Variants in FAM20C observed in about 807,000 individuals in gnomAD.
The protein encoded by FAM20C is FAM20C golgi associated secretory pathway kinase, also known as extracellular serine/threonine protein kinase FAM20C.
A neutral mutation model predicts 51.5 loss-of-function variants in FAM20C; 40 were observed. The ratio of observed to expected loss-of-function variants is 0.78; its 90% CI spans 0.60 to 1.01. FAM20C has a LOEUF of 1.01. FAM20C is among the 50% of genes least tolerant of loss of function. The pLI is 0.00. For missense variants in FAM20C, 861 were observed against 844.7 expected (o/e 1.02, Z -0.24); for synonymous variants, 406 against 380.6 (o/e 1.07, Z -0.78).
intron 3 of FAM20C, among the ~76,000 whole-genome samples, chr7:212,017 C>T (rs1341148719): frequency 1.3e-5 from 2 of 152,220 alleles, no homozygotes; most frequent in African/African-American, 4.8e-5. Flanking sequence ...TGATGGAGGT[C>T]CTGCAGCCAG....
intron 3 of FAM20C, among the ~76,000 whole-genome samples, chr7:231,508 G>T (rs1198292465): frequency 1.3e-5 from 2 of 151,528 alleles, no homozygotes; most frequent in African/African-American, 2.4e-5. Flanking sequence ...CGAGGGCCCC[G>T]TGGGAGGAGG....
At position 193,072 on chromosome 7, in the gene FAM20C, C is replaced by T. The variant is rs1785639562; in HGVS notation, c.-128C>T. On this transcript the variant is annotated 5_prime_UTR_variant, in exon 1 of 10. Coordinates refer to ENST00000313766, the MANE Select transcript of FAM20C (RefSeq NM_020223.4). ...CACGCGGCCCGGGCCCGGGGACAGC[C>T]CCGGAGCTGGTAGCCGCCCGGCACC... 3.8e-6 allele frequency: 3 copies of T among 787,798 alleles called. No individual in the cohort carries two copies. The highest frequency in any genetic ancestry group is 5.1e-6 in the Non-Finnish European group (3 of 593,700). 48.8% of individuals were successfully genotyped at this position (787,798 alleles called of 1,614,324 possible). A position where few individuals can be genotyped will look rare whatever the true frequency, so the allele number is the denominator to read the frequency against.
chr7:208,762 C>CA (rs1786565172), intron 2 of FAM20C, 136 bp from the exon 3 acceptor site: 1 of 832,326 alleles, frequency 1.2e-6, no homozygotes, highest in Non-Finnish European at 1.9e-6. Flanking sequence ...GCAGAAAACT[C>CA]AAACTTCCCA....
chr7:211,490 T>A (rs1786711986), intron 3 of FAM20C, among the ~76,000 whole-genome samples: 1 of 147,470 alleles, frequency 6.8e-6, no homozygotes, highest in African/African-American at 2.6e-5. Context: ...CGTGGCCACA[T>A]GAGGGGCTGA....
Position 208,971 on chromosome 7 carries a change from C to T in FAM20C, c.858C>T (p.Pro286=). The part of the protein sequence containing the change: ...FQNYGQALFK[P]MKQTREQETP... ...ATTACGGGCAAGCGCTGTTCAAACC[C>T]ATGAAGTAAGTGCCGAGGCCTGTGG... Residue 286 remains proline (P), a synonymous_variant, in exon 3 of 10, where the codon CCC becomes CCT. Coordinates refer to ENST00000313766, the MANE Select transcript of FAM20C (RefSeq NM_020223.4). 6.3e-7 allele frequency: 1 copy of T among 1,581,626 alleles called. No homozygotes were observed. Among genetic ancestry groups the T allele is most frequent in the Non-Finnish European group, 8.6e-7 (1 of 1,163,960 alleles).
intron 3 of FAM20C, among the ~76,000 whole-genome samples, chr7:210,560 C>T (rs918856483): frequency 1.3e-5 from 2 of 152,110 alleles, no homozygotes; most frequent in African/African-American, 4.8e-5. Flanking sequence ...TGGCTTCGAG[C>T]CGCGGGCACG....
intron 3 of FAM20C, among the ~76,000 whole-genome samples, chr7:233,210 C>T (rs1010997313): frequency 0.016 from 2,455 of 152,284 alleles, 74 homozygotes; most frequent in African/African-American, 0.056. Flanking sequence ...CGGGGATGCA[C>T]GTGTGGTGTT....
rs966979352 is a variant in FAM20C, at chr7:252,713, C to G, written c.1073-3136C>G. Among the ~76,000 whole-genome samples, 3 of 152,354 alleles carry G rather than the reference C, an allele frequency of 2.0e-5. No homozygotes were observed. In the South Asian group the frequency reaches 6.2e-4, roughly 32 times the overall value. On this transcript the variant is annotated intron_variant, in intron 5 of 9. Transcript: ENST00000313766. ...GGCTCTGGGAGGGAGAAGCAGGAGG[C>G]TGAGCCCCAGGCAGCCCCCTGCCCC... is the stretch of plus-strand genomic sequence containing the variant.
intron 3 of FAM20C, among the ~76,000 whole-genome samples, chr7:234,453 G>C (rs1787791510): frequency 6.6e-6 from 1 of 152,168 alleles, no homozygotes; most frequent in East Asian, 1.9e-4. Context: ...TATCGGGGGT[G>C]GCTGGCCGAG....
At chr7:216,939 C>T (rs537285998) in intron 3 of FAM20C, among the ~76,000 whole-genome samples, 2 of 152,164 alleles carry the variant, frequency 1.3e-5, no homozygotes, top group Admixed American at 6.5e-5. Context: ...TGAGCAGTGA[C>T]GAGGAATTAA....
rs10280417 is a variant in FAM20C at position 197,912 on chromosome 7, C to A, written c.784+2180C>A. ...AAGCTAGGCTTGGCTCACTGCCACC[C>A]CTCTTTGGTCCAGCTGTCCCGGGGC... On this transcript the variant is annotated intron_variant, in intron 2 of 9. Coordinates refer to ENST00000313766, the MANE Select transcript of FAM20C (RefSeq NM_020223.4). 7.3e-3 allele frequency among the ~76,000 whole-genome samples: 1,109 copies of A among 152,320 alleles called. 11 individuals are homozygous for A. Among genetic ancestry groups the A allele is most frequent in the African/African-American group, 0.026 (1,069 of 41,574 alleles).
At chr7:217,384 G>GCGCTCC (rs1787032620) in intron 3 of FAM20C, among the ~76,000 whole-genome samples, 2 of 151,806 alleles carry the variant, frequency 1.3e-5, no homozygotes, top group African/African-American at 4.9e-5. Context: ...GGCTGTGGGT[G>GCGCTCC]AGCTCCAGCC....
At chr7:217,847 C>G (rs559199442) in intron 3 of FAM20C, among the ~76,000 whole-genome samples, 1 of 152,156 alleles carries the variant, frequency 6.6e-6, no homozygotes, top group African/African-American at 2.4e-5. Context: ...CTGGCCGTAA[C>G]GGCCACCCTC....
Position 193,396 on chromosome 7 carries a change from G to GCCCCGGGGAGC in FAM20C, c.204_214dup (p.Ala72GlyfsTer62). 7.2e-7 allele frequency: 1 copy of GCCCCGGGGAGC among 1,392,652 alleles called. No homozygotes were observed. The highest frequency in any genetic ancestry group is 9.4e-7 in the Non-Finnish European group (1 of 1,061,196). The allele number at this position is 1,392,652 out of a possible 1,614,324, so 86.3% of individuals were successfully genotyped here. On this transcript the variant is annotated frameshift_variant, in exon 1 of 10. Transcript: ENST00000313766. LOFTEE classifies it high-confidence loss of function. ...CCCGGCTGGGCCCAGGTTCGGGGCC[G>GCCCCGGGGAGC]CCCCGGGGAGCCCCCGGCCGCCTCC...
At position 229,091 on chromosome 7, in the gene FAM20C, G is replaced by A. The variant is rs571668198; in HGVS notation, c.864-17324G>A. ...CACGGGGGCCACTCTAGGACCAGAA[G>A]CAGGGAAATGTCCCACCCAGGAGGG... On this transcript the variant is annotated intron_variant, in intron 3 of 9. Coordinates refer to ENST00000313766, the MANE Select transcript of FAM20C (RefSeq NM_020223.4). The A allele has an allele frequency of 2.6e-4, 85 of 325,978 alleles. 1 individual carries two copies. The highest frequency in any genetic ancestry group is 1.9e-3 in the South Asian group (84 of 43,828). The allele number at this position is 325,978 out of a possible 1,614,324, so 20.2% of individuals were successfully genotyped here. A position where few individuals can be genotyped will look rare whatever the true frequency, so the allele number is the denominator to read the frequency against.
At chr7:237,126 A>G (rs1787873010) in intron 3 of FAM20C, among the ~76,000 whole-genome samples, 1 of 152,206 alleles carries the variant, frequency 6.6e-6, no homozygotes. Flanking sequence ...TGGGAATAGA[A>G]CTGCTTGTTC....
Position 260,327 on chromosome 7 carries a change from A to G in FAM20C, c.*347A>G, listed in dbSNP as rs1211216710. ...AGAGACGTGTACACAGATGCCAATCACCTACCAAACCAAACACGAGGACCG... is the reference window on the plus strand; with the variant it reads ...AGAGACGTGTACACAGATGCCAATCGCCTACCAAACCAAACACGAGGACCG... On this transcript the variant is annotated 3_prime_UTR_variant, in exon 10 of 10. Coordinates refer to ENST00000313766, the MANE Select transcript of FAM20C (RefSeq NM_020223.4). The G allele has an allele frequency of 5.4e-6, 1 of 185,054 alleles. No individual in the cohort carries two copies. Among genetic ancestry groups the G allele is most frequent in the Non-Finnish European group, 1.1e-5 (1 of 90,288 alleles). 11.5% of individuals were successfully genotyped at this position (185,054 alleles called of 1,614,324 possible).
intron 3 of FAM20C, among the ~76,000 whole-genome samples, chr7:244,773 G>C (rs1395821203): frequency 6.6e-6 from 1 of 152,220 alleles, no homozygotes; most frequent in Admixed American, 6.5e-5. Context: ...CTGGCCTTGC[G>C]CCTACCCAGG....
At chr7:214,267 G>A (rs1212687812) in intron 3 of FAM20C, among the ~76,000 whole-genome samples, 1 of 152,074 alleles carries the variant, frequency 6.6e-6, no homozygotes, top group African/African-American at 2.4e-5. Flanking sequence ...GGAGGTTGCA[G>A]TGAGCCGAGA....
Sources: gnomAD v4.1 joint callset for allele counts (sites outside exome capture counted in the v4.1 genomes callset) on GRCh38, gnomAD v4.1.1 for gene constraint, MANE v1.5 for transcripts, NCBI Gene and HGNC (gene_info 2026-07-23, HGNC 2026-07-21) for gene names.